DENND6A: variants seen among roughly 807,000 people sequenced by gnomAD.
The protein encoded by DENND6A is protein DENND6A.
DENND6A carries 43 observed loss-of-function variants against 95.5 expected under a neutral mutation model. That is an observed-to-expected ratio of 0.45 (90% confidence interval 0.35 to 0.58). The LOEUF (loss-of-function observed/expected upper bound fraction) is 0.58. Among genes scored for constraint, DENND6A ranks in the 20% least tolerant of loss-of-function variants. The pLI is 0.00. For synonymous variants in DENND6A, 257 were observed against 260.4 expected (o/e 0.99, Z 0.13); for missense variants, 574 against 736.0 (o/e 0.78, Z 2.55).
intron 1 of DENND6A, among the ~76,000 whole-genome samples, chr3:57,685,174 C>T (rs2077201191): frequency 6.6e-6 from 1 of 151,970 alleles, no homozygotes; most frequent in Admixed American, 6.6e-5. Context: ...CTGCCTGCCT[C>T]TGCCTCCCAA....
At chr3:57,640,693 T>C (rs1211528465) in intron 12 of DENND6A, among the ~76,000 whole-genome samples, 3 of 152,184 alleles carry the variant, frequency 2.0e-5, no homozygotes, top group Middle Eastern at 3.2e-3. Flanking sequence ...TGTCTTCCAT[T>C]GGAAGGAGAA....
intron 11 of DENND6A, among the ~76,000 whole-genome samples, chr3:57,643,697 C>A (rs559250320): frequency 1.3e-5 from 2 of 151,724 alleles, no homozygotes; most frequent in East Asian, 3.9e-4. Context: ...TGTGGTGGTG[C>A]ATGCCTGTAA....
chr3:57,678,090 T>C (rs748544623), intron 1 of DENND6A, among the ~76,000 whole-genome samples: 14 of 152,162 alleles, frequency 9.2e-5, no homozygotes, highest in Middle Eastern at 3.2e-3. Flanking sequence ...CTAAAGGAAA[T>C]GATTCTTTTT....
At chr3:57,674,293 A>G (rs1334148420) in intron 1 of DENND6A, among the ~76,000 whole-genome samples, 1 of 152,006 alleles carries the variant, frequency 6.6e-6, no homozygotes, top group African/African-American at 2.4e-5. Flanking sequence ...GAATGGCGTG[A>G]ACCTGGGAGG....
intron 9 of DENND6A, chr3:57,654,773 C>G: frequency 3.0e-6 from 3 of 985,334 alleles, no homozygotes; most frequent in Non-Finnish European, 3.6e-6. Context: ...CTCTGCTACT[C>G]AAATTCAAAT....
At chr3:57,649,964 A>G (rs1473936004) in intron 9 of DENND6A, among the ~76,000 whole-genome samples, 3 of 151,750 alleles carry the variant, frequency 2.0e-5, no homozygotes, top group Admixed American at 2.0e-4. Flanking sequence ...ACTCAGCCAT[A>G]AAAAGGAATG....
At chr3:57,628,769 A>C (rs1324033841) in intron 19 of DENND6A, 42 bp downstream of exon 19, 1 of 1,589,466 alleles carries the variant, frequency 6.3e-7, no homozygotes, top group Non-Finnish European at 8.6e-7. Flanking sequence ...CAATGTCTTC[A>C]AAGAAAAGTC....
intron 1 of DENND6A, among the ~76,000 whole-genome samples, chr3:57,682,957 C>T (rs750840948): frequency 4.6e-5 from 7 of 152,194 alleles, no homozygotes; most frequent in African/African-American, 1.7e-4. Flanking sequence ...GGACTACAGG[C>T]ATGAGCCAGC....
intron 1 of DENND6A, among the ~76,000 whole-genome samples, chr3:57,689,111 C>T (rs925163922): frequency 2.0e-5 from 3 of 151,910 alleles, no homozygotes; most frequent in Admixed American, 6.6e-5. Context: ...TATGCCACTG[C>T]GCCCAGCTGA....
intron 1 of DENND6A, 66 bp downstream of exon 1, chr3:57,692,715 GC>G: frequency 7.4e-7 from 1 of 1,347,604 alleles, no homozygotes; most frequent in Non-Finnish European, 9.6e-7. Context: ...CCCGCGGGCC[GC>G]TGGCTTTGCT....
intron 1 of DENND6A, among the ~76,000 whole-genome samples, chr3:57,681,642 G>T (rs1434490362): frequency 1.4e-5 from 2 of 142,308 alleles, no homozygotes; most frequent in Non-Finnish European, 1.5e-5. Flanking sequence ...AAAAAAGAAA[G>T]AAAGAAAGAA....
intron 4 of DENND6A, 41 bp from the exon 5 acceptor site, chr3:57,663,757 A>G (rs1209098232): frequency 1.1e-5 from 14 of 1,235,636 alleles, no homozygotes; most frequent in African/African-American, 1.5e-5. Flanking sequence ...GGGGGGGTAC[A>G]TATATATGTA....
At chr3:57,669,544 T>C (rs533303577) in intron 3 of DENND6A, among the ~76,000 whole-genome samples, 19 of 150,754 alleles carry the variant, frequency 1.3e-4, no homozygotes, top group Admixed American at 4.0e-4. Flanking sequence ...TGAAACCCCA[T>C]CTCTACTAAA....
intron 11 of DENND6A, among the ~76,000 whole-genome samples, chr3:57,643,419 C>A (rs1244375028): frequency 6.6e-6 from 1 of 152,154 alleles, no homozygotes; most frequent in Non-Finnish European, 1.5e-5. Flanking sequence ...CCTCCCCCCA[C>A]AACACACACA....
intron 9 of DENND6A, among the ~76,000 whole-genome samples, chr3:57,647,185 G>C (rs1364044695): frequency 6.6e-6 from 1 of 152,042 alleles, no homozygotes; most frequent in Non-Finnish European, 1.5e-5. Flanking sequence ...AAAAAGAAAA[G>C]AAAAATCAAA....
At chr3:57,640,172 G>A (rs2070892926) in intron 12 of DENND6A, among the ~76,000 whole-genome samples, 1 of 151,966 alleles carries the variant, frequency 6.6e-6, no homozygotes, top group East Asian at 1.9e-4. Flanking sequence ...GGGAGGCTGA[G>A]GCAGGAGAAT....
Position 57,636,936 on chromosome 3 carries a change from CAAAAAAA to C in DENND6A, c.1133-2174_1133-2168del, listed in dbSNP as rs60350642. Among the ~76,000 whole-genome samples the C allele has an allele frequency of 2.5e-4, 13 of 52,008 alleles. No homozygotes were observed. In the South Asian group the frequency reaches 3.6e-3, roughly 14 times the overall value. The allele number at this position is 52,008 out of a possible 152,430, so 34.1% of individuals were successfully genotyped here. A position where few individuals can be genotyped will look rare whatever the true frequency, so the allele number is the denominator to read the frequency against. ...TGGGTGACAGAGCGAGACTCTGTCT[CAAAAAAA>C]AAAAAAAAAAAAAAAAGTTATCCAT... is the stretch of plus-strand genomic sequence containing the variant. On this transcript the variant is annotated intron_variant, in intron 12 of 19. Coordinates refer to ENST00000311128, the MANE Select transcript of DENND6A (RefSeq NM_152678.3).
chr3:57,690,826 T>TA (rs1459320235), intron 1 of DENND6A, among the ~76,000 whole-genome samples: 1 of 152,148 alleles, frequency 6.6e-6, no homozygotes, highest in Non-Finnish European at 1.5e-5. Context: ...GAAGCCCTAC[T>TA]AGGTTTATGT....
chr3:57,630,624 T>C, intron 17 of DENND6A, 91 bp downstream of exon 17: 1 of 1,530,636 alleles, frequency 6.5e-7, no homozygotes, highest in Non-Finnish European at 8.8e-7. Flanking sequence ...TTAGTAGAAT[T>C]TTTTAAAAAG....
Sources: gnomAD v4.1 joint callset for allele counts (sites outside exome capture counted in the v4.1 genomes callset) on GRCh38, gnomAD v4.1.1 for gene constraint, MANE v1.5 for transcripts, NCBI Gene and HGNC (gene_info 2026-07-23, HGNC 2026-07-21) for gene names.